Variants in ASIC2 observed in about 807,000 individuals in gnomAD.
ASIC2 encodes the protein acid-sensing ion channel 2.
A neutral mutation model predicts 57.3 loss-of-function variants in ASIC2; 25 were observed. The ratio of observed to expected loss-of-function variants is 0.44; its 90% CI spans 0.32 to 0.61. The LOEUF is 0.61. Ranked by LOEUF, ASIC2 falls within the 20% of genes least tolerant of loss-of-function variation. The pLI is 0.06. For synonymous variants in ASIC2, 319 were observed against 307.5 expected (o/e 1.04, Z -0.39); for missense variants, 641 against 738.1 (o/e 0.87, Z 1.52).
chr17:33,909,347 A>G (rs1272257858), intron 1 of ASIC2, among the ~76,000 whole-genome samples: 1 of 152,220 alleles, frequency 6.6e-6, no homozygotes, highest in African/African-American at 2.4e-5. Flanking sequence ...AACAACATAT[A>G]CTTTTTTGAA....
chr17:33,155,705 G>A (rs1234008399), intron 1 of ASIC2, among the ~76,000 whole-genome samples: 16 of 150,980 alleles, frequency 1.1e-4, no homozygotes, highest in South Asian at 6.3e-4. Context: ...GATTACAGGC[G>A]CCTGCTACCA....
chr17:33,499,912 C>T (rs1286035921), intron 1 of ASIC2, among the ~76,000 whole-genome samples: 3 of 152,108 alleles, frequency 2.0e-5, no homozygotes, highest in African/African-American at 7.2e-5. Context: ...CTGCATCAGG[C>T]CGCGGCCAGA....
chr17:33,124,148 A>T (rs2092314090), intron 1 of ASIC2, among the ~76,000 whole-genome samples: 1 of 152,194 alleles, frequency 6.6e-6, no homozygotes, highest in Non-Finnish European at 1.5e-5. Flanking sequence ...TTTTCTTATT[A>T]AAGTCATATT....
Position 33,456,073 on chromosome 17 carries a change from C to T in ASIC2, c.556-344006G>A, listed in dbSNP as rs142155340. On this transcript the variant is annotated intron_variant, in intron 1 of 9. Transcript: ENST00000359872. ...TCCAGGGCTCTCTATCCCAACTCCC[C>T]CCAACCCCCAGCTCTCATTTAGTTT... Among the ~76,000 whole-genome samples the T allele has an allele frequency of 2.2e-3, 338 of 152,262 alleles. 1 individual carries two copies. Among genetic ancestry groups the T allele is most frequent in the African/African-American group, 7.6e-3 (315 of 41,552 alleles).
rs572931028 is a variant in ASIC2 at position 33,375,218 on chromosome 17, C to T, written c.556-263151G>A. Among the ~76,000 whole-genome samples, 8 of 152,148 alleles carry T rather than the reference C, an allele frequency of 5.3e-5. No individual in the cohort carries two copies. In the South Asian group the frequency reaches 1.7e-3, roughly 32 times the overall value. ...TCTTATCAAGGTTTGTCAGATAAGG[C>T]CCCACTGATGAGGTGACATTTGAGC... On this transcript the variant is annotated intron_variant, in intron 1 of 9. Transcript: ENST00000359872.
chr17:33,949,695 G>A (rs1440453529), intron 1 of ASIC2, among the ~76,000 whole-genome samples: 1 of 152,112 alleles, frequency 6.6e-6, no homozygotes, highest in Non-Finnish European at 1.5e-5. Context: ...AAAGTTACTG[G>A]CATATATGAA....
intron 3 of ASIC2, among the ~76,000 whole-genome samples, chr17:33,083,768 G>A (rs969939536): frequency 6.6e-6 from 1 of 152,198 alleles, no homozygotes; most frequent in African/African-American, 2.4e-5. Context: ...TGAGGAGGTT[G>A]GAGAGGTGAG....
chr17:33,754,101 C>T (rs904515636), intron 1 of ASIC2, among the ~76,000 whole-genome samples: 1 of 152,084 alleles, frequency 6.6e-6, no homozygotes, highest in African/African-American at 2.4e-5. Context: ...TTCCCTTCCT[C>T]CACCCCAGCC....
At chr17:33,033,513 G>A (rs1598244402) in intron 3 of ASIC2, among the ~76,000 whole-genome samples, 1 of 152,312 alleles carries the variant, frequency 6.6e-6, no homozygotes, top group East Asian at 1.9e-4. Context: ...CAGGATCTGG[G>A]CATCTCTGCA....
intron 1 of ASIC2, among the ~76,000 whole-genome samples, chr17:33,121,966 C>A (rs1346979686): frequency 6.6e-6 from 1 of 152,166 alleles, no homozygotes; most frequent in East Asian, 1.9e-4. Flanking sequence ...AGCATACGGC[C>A]AAGACAAGTA....
At chr17:33,258,186 G>A (rs189588190) in intron 1 of ASIC2, among the ~76,000 whole-genome samples, 8 of 152,246 alleles carry the variant, frequency 5.3e-5, no homozygotes, top group Admixed American at 1.3e-4. Context: ...TAATCTACTC[G>A]TTCACAGCAT....
rs554905948 is a variant in ASIC2 at position 33,871,570 on chromosome 17, T to C, written c.555+284408A>G. On this transcript the variant is annotated intron_variant, in intron 1 of 9. Coordinates refer to the ASIC2 transcript ENST00000359872. ...ATGCTTTTCTCCAAGCATATACCCT[T>C]GTCTTGCTCAGGATCTGGAGAGAGG... Among the ~76,000 whole-genome samples, 247 of 152,242 alleles carry C rather than the reference T, an allele frequency of 1.6e-3. 2 individuals carry two copies. In the South Asian group the frequency reaches 0.017, roughly 10 times the overall value.
chr17:33,539,044 G>C (rs950263500), intron 1 of ASIC2, among the ~76,000 whole-genome samples: 20 of 152,190 alleles, frequency 1.3e-4, no homozygotes, highest in African/African-American at 4.3e-4. Context: ...CTGAGGCACA[G>C]ACAGGGAACA....
At chr17:33,540,401 A>G (rs1377704356) in intron 1 of ASIC2, among the ~76,000 whole-genome samples, 1 of 152,096 alleles carries the variant, frequency 6.6e-6, no homozygotes, top group Admixed American at 6.5e-5. Context: ...TAGGACTTCA[A>G]TATATTTTGG....
intron 1 of ASIC2, among the ~76,000 whole-genome samples, chr17:34,033,615 A>G (rs1034543093): frequency 6.6e-5 from 10 of 152,228 alleles, no homozygotes; most frequent in African/African-American, 2.4e-4. Context: ...ATAGACCGTT[A>G]GCAAGACTAA....
intron 1 of ASIC2, among the ~76,000 whole-genome samples, chr17:33,995,907 T>A (rs1161679604): frequency 6.6e-6 from 1 of 152,192 alleles, no homozygotes; most frequent in Non-Finnish European, 1.5e-5. Flanking sequence ...AGAGTTAATC[T>A]TTTAAGGAAC....
intron 1 of ASIC2, among the ~76,000 whole-genome samples, chr17:33,231,307 G>A (rs1908082090): frequency 6.6e-6 from 1 of 152,154 alleles, no homozygotes; most frequent in Admixed American, 6.5e-5. Flanking sequence ...AATATCTGTG[G>A]GAGTTGGCAC....
At chr17:33,359,144 T>C (rs1438641184) in intron 1 of ASIC2, among the ~76,000 whole-genome samples, 1 of 152,150 alleles carries the variant, frequency 6.6e-6, no homozygotes, top group East Asian at 1.9e-4. Context: ...CCTAGCAAGC[T>C]CTAGGCAGGT....
At chr17:33,785,300 C>T (rs149733623) in intron 1 of ASIC2, among the ~76,000 whole-genome samples, 5 of 152,212 alleles carry the variant, frequency 3.3e-5, no homozygotes, top group African/African-American at 1.2e-4. Flanking sequence ...GATTTCCAGC[C>T]TCTGGAACTG....
Sources: allele counts gnomAD v4.1 joint callset (sites outside exome capture counted in the v4.1 genomes callset), GRCh38; gene constraint gnomAD v4.1.1; transcripts MANE v1.5; gene names NCBI Gene and HGNC (gene_info 2026-07-23, HGNC 2026-07-21).